RIT2: variants seen among roughly 807,000 people sequenced by gnomAD.
The protein encoded by RIT2 is Ras like without CAAX 2.
RIT2 carries 24 observed loss-of-function variants against 23.7 expected under a neutral mutation model. That is an observed-to-expected ratio of 1.01 (90% CI 0.73 to 1.43). The LOEUF is 1.43. RIT2 is among the 40% of genes most tolerant of loss of function. The probability of loss-of-function intolerance (pLI) is 0.00; values close to 1 mark genes in which losing one functional copy is unlikely to be tolerated. For missense variants in RIT2, 236 were observed against 266.9 expected (o/e 0.88, Z 0.81); for synonymous variants, 107 against 91.1 (o/e 1.17, Z -0.99).
intron 4 of RIT2, among the ~76,000 whole-genome samples, chr18:42,908,901 C>A (rs574251403): frequency 6.6e-6 from 1 of 152,054 alleles, no homozygotes; most frequent in African/African-American, 2.4e-5. Flanking sequence ...ACAACCACTA[C>A]GGAAAACGGT....
At chr18:43,013,773 C>A (rs1911407881) in intron 2 of RIT2, among the ~76,000 whole-genome samples, 1 of 151,778 alleles carries the variant, frequency 6.6e-6, no homozygotes, top group South Asian at 2.1e-4. Flanking sequence ...GATAAATAAG[C>A]ATCTTGATGT....
At chr18:42,872,139 T>G (rs1222271030) in intron 4 of RIT2, among the ~76,000 whole-genome samples, 2 of 152,224 alleles carry the variant, frequency 1.3e-5, no homozygotes, top group Non-Finnish European at 2.9e-5. Context: ...AAAGGATTTT[T>G]GGACTTTTTT....
chr18:42,940,416 T>C (rs1307337437), intron 3 of RIT2, among the ~76,000 whole-genome samples: 2 of 150,576 alleles, frequency 1.3e-5, no homozygotes, highest in African/African-American at 4.9e-5. Context: ...CACACACATA[T>C]ATAGACACAC....
intron 4 of RIT2, among the ~76,000 whole-genome samples, chr18:42,805,561 G>A (rs1905660753): frequency 6.6e-6 from 1 of 152,054 alleles, no homozygotes; most frequent in Admixed American, 6.6e-5. Flanking sequence ...TTTCTAGATT[G>A]CATTTCAAAT....
At chr18:42,963,301 T>A (rs756165856) in intron 3 of RIT2, among the ~76,000 whole-genome samples, 1 of 152,150 alleles carries the variant, frequency 6.6e-6, no homozygotes, top group Non-Finnish European at 1.5e-5. Context: ...AGTTACTTAA[T>A]TAAGAACCAC....
chr18:42,775,987 T>A (rs1048780194), intron 4 of RIT2, among the ~76,000 whole-genome samples: 1 of 152,136 alleles, frequency 6.6e-6, no homozygotes, highest in African/African-American at 2.4e-5. Context: ...AATAAATTGA[T>A]GTGATGAGAT....
At chr18:43,027,298 TAGA>T (rs1448797157) in intron 2 of RIT2, among the ~76,000 whole-genome samples, 3 of 152,214 alleles carry the variant, frequency 2.0e-5, no homozygotes, top group African/African-American at 4.8e-5. Context: ...AAGGCACTAG[TAGA>T]AGAAGTGGGG....
chr18:42,920,236 A>G (rs1228223586), intron 4 of RIT2, among the ~76,000 whole-genome samples: 1 of 152,178 alleles, frequency 6.6e-6, no homozygotes, highest in Non-Finnish European at 1.5e-5. Flanking sequence ...AAATAAGTTC[A>G]TGATAAAATG....
intron 4 of RIT2, among the ~76,000 whole-genome samples, chr18:42,813,774 T>A (rs1383255979): frequency 6.6e-6 from 1 of 152,190 alleles, no homozygotes; most frequent in Non-Finnish European, 1.5e-5. Context: ...GAGGCTTGCG[T>A]CATGATACTT....
chr18:43,019,747 C>T (rs1439749729), intron 2 of RIT2, among the ~76,000 whole-genome samples: 1 of 151,998 alleles, frequency 6.6e-6, no homozygotes, highest in Non-Finnish European at 1.5e-5. Context: ...AGTCGAATTA[C>T]CCCTCTTTGC....
intron 1 of RIT2, among the ~76,000 whole-genome samples, chr18:43,075,765 C>G (rs1004102531): frequency 6.6e-6 from 1 of 152,166 alleles, no homozygotes; most frequent in Admixed American, 6.5e-5. Context: ...CTGGCTCCCC[C>G]TCTTTTTGTC....
chr18:42,907,156 A>T (rs1432469046), intron 4 of RIT2, among the ~76,000 whole-genome samples: 1 of 152,200 alleles, frequency 6.6e-6, no homozygotes, highest in East Asian at 1.9e-4. Flanking sequence ...TTATCCCTTA[A>T]TTAAGTGCAT....
intron 4 of RIT2, among the ~76,000 whole-genome samples, chr18:42,832,444 C>T (rs1906485516): frequency 6.6e-6 from 1 of 152,158 alleles, no homozygotes; most frequent in Non-Finnish European, 1.5e-5. Flanking sequence ...TTATTTCACA[C>T]AAAACCTGAT....
chr18:43,039,799 C>G (rs1251194488), intron 1 of RIT2, among the ~76,000 whole-genome samples: 1 of 152,214 alleles, frequency 6.6e-6, no homozygotes, highest in Non-Finnish European at 1.5e-5. Flanking sequence ...CTATTCATTT[C>G]TCACTGACCA....
At chr18:42,830,679 G>A (rs1352643351) in intron 4 of RIT2, among the ~76,000 whole-genome samples, 1 of 152,108 alleles carries the variant, frequency 6.6e-6, no homozygotes, top group Non-Finnish European at 1.5e-5. Context: ...GAACTCAGAG[G>A]TCCTTCCATA....
At chr18:42,963,773 A>C (rs573401) in intron 3 of RIT2, among the ~76,000 whole-genome samples, 1 of 151,896 alleles carries the variant, frequency 6.6e-6, no homozygotes. Flanking sequence ...GCAGGCACCC[A>C]TAATCCCAGC....
chr18:42,875,135 C>T (rs1317719681), intron 4 of RIT2, among the ~76,000 whole-genome samples: 1 of 152,040 alleles, frequency 6.6e-6, no homozygotes, highest in Non-Finnish European at 1.5e-5. Flanking sequence ...CTTTTCCCCA[C>T]TTCCTGCCAT....
intron 4 of RIT2, among the ~76,000 whole-genome samples, chr18:42,781,034 C>G (rs959072652): frequency 6.6e-6 from 1 of 152,034 alleles, no homozygotes; most frequent in Non-Finnish European, 1.5e-5. Context: ...TGCAGTGAAA[C>G]TTTAAGCACT....
At chr18:42,757,512 C>T (rs1382511486) in intron 4 of RIT2, among the ~76,000 whole-genome samples, 1 of 152,138 alleles carries the variant, frequency 6.6e-6, no homozygotes, top group East Asian at 1.9e-4. Context: ...GAAGGATGAA[C>T]TAGAACAAAA....
Sources: gnomAD v4.1 joint callset for allele counts (sites outside exome capture counted in the v4.1 genomes callset) on GRCh38, gnomAD v4.1.1 for gene constraint, MANE v1.5 for transcripts, NCBI Gene and HGNC (gene_info 2026-07-23, HGNC 2026-07-21) for gene names.